ANTXR2: variants seen among roughly 807,000 people sequenced by gnomAD.
The protein encoded by ANTXR2 is ANTXR cell adhesion molecule 2.
ANTXR2 carries 44 observed loss-of-function variants against 73.7 expected under a neutral mutation model. The ratio of observed to expected loss-of-function variants is 0.60; its 90% CI spans 0.47 to 0.77. ANTXR2 has a LOEUF of 0.77. Among genes scored for constraint, ANTXR2 ranks in the 30% least tolerant of loss-of-function variants. The probability of loss-of-function intolerance (pLI) is 0.00; values close to 1 mark genes in which losing one functional copy is unlikely to be tolerated. For missense variants in ANTXR2, 604 were observed against 592.5 expected, an observed-to-expected ratio of 1.02 and a Z score of -0.20; for synonymous variants, 217 against 205.9, an observed-to-expected ratio of 1.05 and a Z score of -0.46.
At chr4:80,048,267 T>TAA (rs557989348) in intron 7 of ANTXR2, among the ~76,000 whole-genome samples, 35 of 122,762 alleles carry the variant, frequency 2.9e-4, no homozygotes, top group Middle Eastern at 4.3e-3. Flanking sequence ...AAGCATTAGG[T>TAA]AAAAAAAAAA....
At chr4:80,034,378 A>T (rs551020754) in intron 8 of ANTXR2, among the ~76,000 whole-genome samples, 1 of 152,278 alleles carries the variant, frequency 6.6e-6, no homozygotes, top group African/African-American at 2.4e-5. Flanking sequence ...CACAAATAAA[A>T]TTTTAAATAG....
At chr4:79,958,394 T>C (rs1451910601) in intron 16 of ANTXR2, among the ~76,000 whole-genome samples, 1 of 152,162 alleles carries the variant, frequency 6.6e-6, no homozygotes, top group Non-Finnish European at 1.5e-5. Flanking sequence ...TAAAAGAGTA[T>C]CTGATGCCAG....
At chr4:80,019,824 AAATATTATAGTT>A (rs968940471) in intron 10 of ANTXR2, among the ~76,000 whole-genome samples, 3 of 152,216 alleles carry the variant, frequency 2.0e-5, no homozygotes, top group African/African-American at 7.2e-5. Flanking sequence ...CCTGGCTAAG[AAATATTATAGTT>A]AAAATATAGT....
chr4:80,017,010 A>G (rs908495708), intron 11 of ANTXR2, among the ~76,000 whole-genome samples: 8 of 152,226 alleles, frequency 5.3e-5, no homozygotes, highest in African/African-American at 1.4e-4. Flanking sequence ...TGCTACTCGC[A>G]AAGTCTGTTT....
At chr4:79,983,779 A>T in intron 14 of ANTXR2, 99 bp downstream of exon 14, 2 of 909,890 alleles carry the variant, frequency 2.2e-6, no homozygotes, top group Non-Finnish European at 3.5e-6. Flanking sequence ...AATGGATGAT[A>T]TTATAATATT....
At chr4:79,931,802 A>G (rs778462799) in intron 16 of ANTXR2, among the ~76,000 whole-genome samples, 15 of 152,200 alleles carry the variant, frequency 9.9e-5, no homozygotes, top group Non-Finnish European at 1.5e-4. Flanking sequence ...ATTCAAATAA[A>G]TGATATATCC....
intron 12 of ANTXR2, among the ~76,000 whole-genome samples, chr4:79,999,360 T>G (rs1730903909): frequency 6.6e-6 from 1 of 151,980 alleles, no homozygotes; most frequent in Non-Finnish European, 1.5e-5. Context: ...CTCTCTTTCC[T>G]TCTTCATGAA....
At chr4:79,915,854 C>A (rs1336782031) in intron 16 of ANTXR2, among the ~76,000 whole-genome samples, 1,769 of 111,092 alleles carry the variant, frequency 0.016, 18 homozygotes, top group Middle Eastern at 0.027. Flanking sequence ...CTCTCTCTCT[C>A]TCTCTCTCTA....
chr4:79,925,257 T>C (rs948084177), intron 16 of ANTXR2, among the ~76,000 whole-genome samples: 2 of 150,482 alleles, frequency 1.3e-5, no homozygotes, highest in Non-Finnish European at 3.0e-5. Context: ...TAAAAGTCGT[T>C]TTACAGACTT....
chr4:80,065,907 G>C (rs1416674570), intron 3 of ANTXR2, among the ~76,000 whole-genome samples: 1 of 152,134 alleles, frequency 6.6e-6, no homozygotes, highest in Admixed American at 6.5e-5. Flanking sequence ...TGATCTATTT[G>C]TGATTGTAAT....
At chr4:80,055,605 C>G (rs1197175672) in intron 4 of ANTXR2, 138 bp from the exon 5 acceptor site, 1 of 729,350 alleles carries the variant, frequency 1.4e-6, no homozygotes, top group Non-Finnish European at 2.3e-6. Context: ...TTTGTGTTAA[C>G]TATTTTATTT....
intron 12 of ANTXR2, among the ~76,000 whole-genome samples, chr4:79,987,207 G>A (rs761693377): frequency 3.3e-5 from 5 of 151,294 alleles, no homozygotes; most frequent in Non-Finnish European, 5.9e-5. Flanking sequence ...ACAGGAGAAG[G>A]TTGAAACCCA....
intron 14 of ANTXR2, 22 bp from the exon 15 acceptor site, chr4:79,978,196 C>T (rs753834892): frequency 1.7e-5 from 28 of 1,611,076 alleles, no homozygotes; most frequent in Non-Finnish European, 2.4e-5. Context: ...AGGGAGAGTA[C>T]TGTTATCAGA....
intron 12 of ANTXR2, among the ~76,000 whole-genome samples, chr4:80,002,349 C>T (rs1177986025): frequency 6.6e-6 from 1 of 152,126 alleles, no homozygotes. Context: ...GGAAAACTGG[C>T]TAGCCATGTG....
intron 16 of ANTXR2, among the ~76,000 whole-genome samples, chr4:79,921,160 A>G (rs1477708703): frequency 6.6e-6 from 1 of 152,158 alleles, no homozygotes; most frequent in African/African-American, 2.4e-5. Context: ...AAAAGTTTAC[A>G]TGCAATTCAT....
intron 12 of ANTXR2, among the ~76,000 whole-genome samples, chr4:79,996,316 T>TGG (rs1730722219): frequency 7.1e-6 from 1 of 141,828 alleles, no homozygotes; most frequent in Non-Finnish European, 1.6e-5. Context: ...GACGGATGGA[T>TGG]ATATGGATGG....
At chr4:80,044,006 T>G (rs1250068806) in intron 7 of ANTXR2, among the ~76,000 whole-genome samples, 1 of 151,896 alleles carries the variant, frequency 6.6e-6, no homozygotes, top group African/African-American at 2.4e-5. Context: ...AGAATCAGAA[T>G]TGGCAAGGTT....
intron 12 of ANTXR2, among the ~76,000 whole-genome samples, chr4:79,989,551 A>T (rs551507855): frequency 6.6e-6 from 1 of 152,192 alleles, no homozygotes; most frequent in East Asian, 1.9e-4. Context: ...TCTACCAGAC[A>T]TATAGAGAAG....
chr4:80,021,765 TA>T (rs1330289069), intron 10 of ANTXR2, among the ~76,000 whole-genome samples: 1 of 146,802 alleles, frequency 6.8e-6, no homozygotes, highest in Non-Finnish European at 1.5e-5. Context: ...GTGGCTGGTG[TA>T]AAAAAAAAAC....
Sources: allele counts gnomAD v4.1 joint callset (sites outside exome capture counted in the v4.1 genomes callset), GRCh38; gene constraint gnomAD v4.1.1; transcripts MANE v1.5; gene names NCBI Gene and HGNC (gene_info 2026-07-23, HGNC 2026-07-21).